Variants in ZFAT observed in about 807,000 individuals in gnomAD.
ZFAT encodes the protein zinc finger protein ZFAT.
A neutral mutation model predicts 117.7 loss-of-function variants in ZFAT; 64 were observed. That is an observed-to-expected ratio of 0.54 (90% confidence interval 0.44 to 0.67). ZFAT has a LOEUF of 0.67. Ranked by LOEUF, ZFAT falls within the 30% of genes least tolerant of loss-of-function variation. ZFAT has a pLI of 0.00. For missense variants in ZFAT, 1,433 were observed against 1,584.5 expected (o/e 0.90, Z 1.62); for synonymous variants, 679 against 615.0 (o/e 1.10, Z -1.54).
At chr8:134,773,060 T>G in the ZFAT span, among the ~76,000 whole-genome samples, 2 of 142,452 alleles carry the variant, frequency 1.4e-5, no homozygotes, top group Non-Finnish European at 1.5e-5. Context: ...TACCACAGCA[T>G]TCCAGCCTGG....
chr8:134,485,760 A>G (rs991703225), intron 15 of ZFAT, among the ~76,000 whole-genome samples: 3 of 66,956 alleles, frequency 4.5e-5, no homozygotes, highest in Non-Finnish European at 7.4e-5. Context: ...ACAAAGACTC[A>G]TTAAGAGGAG....
chr8:134,587,696 C>T (rs1826169016), intron 9 of ZFAT, among the ~76,000 whole-genome samples: 1 of 152,150 alleles, frequency 6.6e-6, no homozygotes, highest in Admixed American at 6.5e-5. Context: ...CTGAGAGTGG[C>T]CCCACACTTC....
intron 1 of ZFAT, among the ~76,000 whole-genome samples, chr8:134,662,650 C>T (rs1478835536): frequency 6.6e-6 from 1 of 152,230 alleles, no homozygotes; most frequent in Non-Finnish European, 1.5e-5. Context: ...CCGCCAAGCA[C>T]TGGCTACACT....
chr8:134,699,533 A>G (rs1833956630), intron 1 of ZFAT, among the ~76,000 whole-genome samples: 1 of 152,104 alleles, frequency 6.6e-6, no homozygotes, highest in Admixed American at 6.5e-5. Flanking sequence ...TAAATGAGGT[A>G]GGGTGGGAAG....
At chr8:134,737,146 G>A in the ZFAT span, among the ~76,000 whole-genome samples, 13 of 152,064 alleles carry the variant, frequency 8.5e-5, no homozygotes, top group Admixed American at 2.6e-4. Flanking sequence ...TGGACGTGGT[G>A]GCGCATGATT....
At chr8:134,676,594 A>G (rs1832817246) in intron 1 of ZFAT, among the ~76,000 whole-genome samples, 1 of 152,226 alleles carries the variant, frequency 6.6e-6, no homozygotes, top group African/African-American at 2.4e-5. Context: ...GGCCAAGCTG[A>G]CCTAATAGAT....
At chr8:134,599,481 G>A (rs1467812461) in intron 7 of ZFAT, 4 of 278,160 alleles carry the variant, frequency 1.4e-5, no homozygotes, top group African/African-American at 6.9e-5. Context: ...ACAGGTCTCA[G>A]GGAAGACAAG....
upstream of ZFAT, among the ~76,000 whole-genome samples, chr8:134,713,800 C>T (rs1044746660): frequency 6.6e-6 from 1 of 152,098 alleles, no homozygotes; most frequent in African/African-American, 2.4e-5. Flanking sequence ...AACCCTCACC[C>T]CCCGAAACCC....
In ZFAT at chr8:134,602,621, G is replaced by A. The variant is rs776028326; in HGVS notation, c.1098C>T (p.Val366=). ...CRFCKKKYSD[V]KNLIKHIRDA... ...CTCGGATGTGCTTGATGAGGTTCTT[G>A]ACGTCAGAGTACTTCTTCTTGCAGA... The change falls in exon 6 of 16, where the codon GTC becomes GTT. Residue 366 remains valine, a synonymous_variant. Transcript: ENST00000377838. 9 of 1,614,192 alleles carry A rather than the reference G, an allele frequency of 5.6e-6. No individual in the cohort carries two copies. In the South Asian group the frequency reaches 8.8e-5, roughly 16 times the overall value.
At chr8:134,741,185 A>G in the ZFAT span, among the ~76,000 whole-genome samples, 132,591 of 152,052 alleles carry the variant, frequency 0.87, 58,067 homozygotes, top group Non-Finnish European at 0.9. Flanking sequence ...AACCCCACTT[A>G]TCCAGCTCCT....
chr8:134,644,189 A>C (rs1638557545), intron 2 of ZFAT, among the ~76,000 whole-genome samples: 1 of 152,160 alleles, frequency 6.6e-6, no homozygotes, highest in African/African-American at 2.4e-5. Context: ...CCCCTCCTGC[A>C]GCCCCAGCAC....
At chr8:134,684,485 C>CGAA (rs1166042057) in intron 1 of ZFAT, among the ~76,000 whole-genome samples, 3 of 152,290 alleles carry the variant, frequency 2.0e-5, no homozygotes, top group Non-Finnish European at 4.4e-5. Context: ...ACCAAACACT[C>CGAA]ATTCAAGACC....
At chr8:134,612,422 G>A (rs1402165833) in intron 3 of ZFAT, among the ~76,000 whole-genome samples, 1 of 152,194 alleles carries the variant, frequency 6.6e-6, no homozygotes, top group African/African-American at 2.4e-5. Flanking sequence ...CCAAGTAATT[G>A]TACCAAGGAA....
chr8:134,511,572 TG>T (rs1819846371), intron 14 of ZFAT, among the ~76,000 whole-genome samples: 1 of 152,184 alleles, frequency 6.6e-6, no homozygotes, highest in African/African-American at 2.4e-5. Flanking sequence ...TGGGTAAAAA[TG>T]GTGTCTTTCT....
chr8:134,792,885 G>A, the ZFAT span: 1 of 152,090 alleles, frequency 6.6e-6, no homozygotes, highest in Non-Finnish European at 1.5e-5. Context: ...ATATTTAGTG[G>A]ACAGTTTTCT....
chr8:134,755,442 AGTG>A, the ZFAT span, among the ~76,000 whole-genome samples: 1 of 150,544 alleles, frequency 6.6e-6, no homozygotes, highest in Non-Finnish European at 1.5e-5. Context: ...TTAGGGTGTA[AGTG>A]GTTTTTGGTT....
intron 11 of ZFAT, among the ~76,000 whole-genome samples, chr8:134,538,792 G>A (rs1162621004): frequency 1.0e-5 from 1 of 99,740 alleles, no homozygotes; most frequent in Non-Finnish European, 1.9e-5. Flanking sequence ...GTGAGACCCT[G>A]TCACAAAAAA....
chr8:134,642,047 T>A (rs1830616467), intron 2 of ZFAT, among the ~76,000 whole-genome samples: 1 of 152,238 alleles, frequency 6.6e-6, no homozygotes, highest in South Asian at 2.1e-4. Flanking sequence ...CCAGCTATTA[T>A]CTCATTTTAG....
At chr8:134,717,022 C>T (rs1223221987), upstream of ZFAT, among the ~76,000 whole-genome samples, 1 of 152,082 alleles carries the variant, frequency 6.6e-6, no homozygotes, top group Non-Finnish European at 1.5e-5. Context: ...GACCAGTGGT[C>T]TCATAAATAA....
Sources: gnomAD v4.1 joint callset for allele counts (sites outside exome capture counted in the v4.1 genomes callset) on GRCh38, gnomAD v4.1.1 for gene constraint, MANE v1.5 for transcripts, NCBI Gene and HGNC (gene_info 2026-07-23, HGNC 2026-07-21) for gene names.